Variants in FBXW4 observed in about 807,000 individuals in gnomAD.
FBXW4 encodes F-box and WD repeat domain containing 4, also known as F-box/WD repeat-containing protein 4.
In FBXW4, 40 loss-of-function variants were observed where a neutral mutation model predicts 61.8. That is an observed-to-expected ratio of 0.65 (90% confidence interval 0.50 to 0.84). The LOEUF (loss-of-function observed/expected upper bound fraction) is 0.84. Ranked by LOEUF, FBXW4 falls within the 40% of genes least tolerant of loss-of-function variation. The pLI is 0.00. For missense variants in FBXW4, 672 were observed against 753.8 expected, an observed-to-expected ratio of 0.89 and a Z score of 1.27; for synonymous variants, 311 against 313.8, an observed-to-expected ratio of 0.99 and a Z score of 0.10.
intron 6 of FBXW4, among the ~76,000 whole-genome samples, chr10:101,614,567 G>A (rs1423590080): frequency 1.3e-5 from 2 of 152,216 alleles, no homozygotes; most frequent in South Asian, 2.1e-4. Context: ...AGGCCCTGGA[G>A]GCCAGCACAA....
At chr10:101,673,194 T>C in intron 3 of FBXW4, 147 bp from the exon 4 acceptor site, 1 of 985,910 alleles carries the variant, frequency 1.0e-6, no homozygotes, top group South Asian at 1.7e-5. Context: ...GCTGACTTTC[T>C]AGATACCTTT....
At chr10:101,695,224 G>T (rs1369973858), upstream of FBXW4, 1 of 982,754 alleles carries the variant, frequency 1.0e-6, no homozygotes, top group Non-Finnish European at 1.2e-6. This position sits in a 1 kb window ranked among gnomAD's most constrained non-coding sequence, Gnocchi z 4.2. Context: ...CCGAGCCCTG[G>T]GCACGCCCCT....
intron 3 of FBXW4, 46 bp from the exon 4 acceptor site, chr10:101,673,093 T>C: frequency 6.3e-7 from 1 of 1,594,930 alleles, no homozygotes; most frequent in South Asian, 1.1e-5. Context: ...AATTATTCTT[T>C]CTGTAGAAAG....
chr10:101,632,726 C>T (rs545050983), intron 5 of FBXW4, among the ~76,000 whole-genome samples: 16 of 152,320 alleles, frequency 1.1e-4, no homozygotes, highest in African/African-American at 3.6e-4. Context: ...TTTCCATCTA[C>T]ATGGCCCCTT....
intron 5 of FBXW4, among the ~76,000 whole-genome samples, chr10:101,667,297 GA>G (rs968310110): frequency 6.6e-6 from 1 of 151,346 alleles, no homozygotes; most frequent in Admixed American, 6.6e-5. Context: ...ATAAAAAAGA[GA>G]AGTAACAATC....
chr10:101,617,648 CT>C (rs755979659), intron 6 of FBXW4, among the ~76,000 whole-genome samples: 1 of 152,198 alleles, frequency 6.6e-6, no homozygotes, highest in Non-Finnish European at 1.5e-5. Flanking sequence ...AGGCAGCCCA[CT>C]TTGTACTGCT....
At chr10:101,643,343 G>A (rs536692399) in intron 5 of FBXW4, among the ~76,000 whole-genome samples, 1 of 152,352 alleles carries the variant, frequency 6.6e-6, no homozygotes, top group East Asian at 1.9e-4. Context: ...CCCAGGTGCT[G>A]GGATTTGGCC....
intron 6 of FBXW4, among the ~76,000 whole-genome samples, chr10:101,618,778 T>G (rs890883858): frequency 6.6e-6 from 1 of 151,990 alleles, no homozygotes; most frequent in African/African-American, 2.4e-5. Context: ...CCTTCAGGTC[T>G]GGGATTAAAG....
chr10:101,650,454 G>A (rs2064136360), intron 5 of FBXW4, among the ~76,000 whole-genome samples: 1 of 152,152 alleles, frequency 6.6e-6, no homozygotes. Context: ...GCAAGGCCCT[G>A]CTTTGGCTCC....
intron 2 of FBXW4, among the ~76,000 whole-genome samples, chr10:101,674,844 A>G (rs985442660): frequency 3.9e-5 from 6 of 152,186 alleles, no homozygotes; most frequent in African/African-American, 1.4e-4. Context: ...AAGAAAGAAG[A>G]CTGTCAGATA....
chr10:101,611,146 T>C lies in FBXW4; in HGVS notation c.*145A>G. On this transcript the variant is annotated 3_prime_UTR_variant, in exon 9 of 9. Coordinates refer to ENST00000331272, the MANE Select transcript of FBXW4 (RefSeq NM_022039.4). The surrounding 1 kb of genome is among the most constrained non-coding windows in gnomAD (Gnocchi z 4.9). The stretch of plus-strand genomic sequence containing the variant: ...TCCAAAGTCCCAGGAGTCAGAAGCC[T>C]CTAGTGCAAGGTGCCTGAGCACTGG... 9.3e-7 allele frequency: 1 copy of C among 1,072,628 alleles called. No individual in the cohort carries two copies. The highest frequency in any genetic ancestry group is 1.3e-6 in the Non-Finnish European group (1 of 748,038). 66.4% of individuals were successfully genotyped at this position (1,072,628 alleles called of 1,614,324 possible).
At position 101,658,916 on chromosome 10, in the gene FBXW4, C is replaced by T. The variant is rs547050153; in HGVS notation, c.1235+8970G>A. On this transcript the variant is annotated intron_variant, in intron 5 of 8. Transcript: ENST00000331272. ...AGGTGGGGAAATCTTCTTAAATATA[C>T]GAGTATTATCATGACAAGGCCACTG... Among the ~76,000 whole-genome samples the T allele has an allele frequency of 4.6e-5, 7 of 151,980 alleles. No homozygotes were observed. In the South Asian group the frequency reaches 6.2e-4, roughly 14 times the overall value.
intron 5 of FBXW4, among the ~76,000 whole-genome samples, chr10:101,635,856 AAG>A (rs2063996906): frequency 6.6e-6 from 1 of 151,134 alleles, no homozygotes; most frequent in Admixed American, 6.6e-5. Flanking sequence ...AAAAAAAAAA[AAG>A]AGAGATGGAG....
chr10:101,647,038 G>A (rs1227797656), intron 5 of FBXW4, among the ~76,000 whole-genome samples: 3 of 152,170 alleles, frequency 2.0e-5, no homozygotes, highest in Admixed American at 2.0e-4. Flanking sequence ...CAAAACTCTA[G>A]GACCTCAAGT....
chr10:101,624,888 C>T (rs547093516), intron 5 of FBXW4, 78 bp from the exon 6 acceptor site: 135 of 1,475,102 alleles, frequency 9.2e-5, no homozygotes, highest in Non-Finnish European at 1.3e-4. Flanking sequence ...TGGGAAATGC[C>T]GTGCTCATTC....
rs539345022 is a variant in FBXW4 at position 101,649,633 on chromosome 10, T to C, written c.1235+18253A>G. On this transcript the variant is annotated intron_variant, in intron 5 of 8. Transcript: ENST00000331272. ...TTGGGATTTAGGCCCCTCAAAGACC[T>C]TGGAGCTCCAGCTTCTTTCTCCTTG... is the stretch of plus-strand genomic sequence containing the variant. 3.3e-5 allele frequency among the ~76,000 whole-genome samples: 5 copies of C among 152,326 alleles called. No individual in the cohort carries two copies. In the South Asian group the frequency reaches 1.0e-3, roughly 32 times the overall value.
intron 5 of FBXW4, among the ~76,000 whole-genome samples, chr10:101,636,772 A>G (rs1278867229): frequency 6.6e-6 from 1 of 151,960 alleles, no homozygotes; most frequent in African/African-American, 2.4e-5. Context: ...TGTTTTTAGT[A>G]GAGACGGGGT....
At chr10:101,679,897 C>G (rs1306332687) in intron 1 of FBXW4, among the ~76,000 whole-genome samples, 1 of 152,094 alleles carries the variant, frequency 6.6e-6, no homozygotes, top group African/African-American at 2.4e-5. Flanking sequence ...CCACCTTCCT[C>G]CCTTCTGAAT....
At position 101,634,635 on chromosome 10, in the gene FBXW4, GA is replaced by G. The variant is rs1224837028; in HGVS notation, c.1236-9826del. ...AATAGATCCTAAGTGTGGTCTTTAAGAGAGTAAAGAATGAACTAATCAATAA... is the reference window on the plus strand; with the variant it reads ...AATAGATCCTAAGTGTGGTCTTTAAGGAGTAAAGAATGAACTAATCAATAA... On this transcript the variant is annotated intron_variant, in intron 5 of 8. Transcript: ENST00000331272. Among the ~76,000 whole-genome samples the G allele has an allele frequency of 2.0e-5, 3 of 148,492 alleles. No individual in the cohort carries two copies. In the East Asian group the frequency reaches 5.8e-4, roughly 29 times the overall value.
Sources: gnomAD v4.1 joint callset for allele counts (sites outside exome capture counted in the v4.1 genomes callset) on GRCh38, gnomAD v4.1.1 for gene constraint, Gnocchi (gnomAD v3.1) non-coding constraint, MANE v1.5 for transcripts, NCBI Gene and HGNC (gene_info 2026-07-23, HGNC 2026-07-21) for gene names.